The following BBS9 variants were observed in gnomAD, a reference collection of about 807,000 sequenced individuals.
The protein encoded by BBS9 is protein PTHB1.
A neutral mutation model predicts 117.7 loss-of-function variants in BBS9; 89 were observed. The ratio of observed to expected loss-of-function variants is 0.76; its 90% CI spans 0.64 to 0.90. The LOEUF (loss-of-function observed/expected upper bound fraction) is 0.90. BBS9 is among the 40% of genes least tolerant of loss of function. The pLI is 0.00. For synonymous variants in BBS9, 379 were observed against 370.9 expected, an observed-to-expected ratio of 1.02 and a Z score of -0.25; for missense variants, 982 against 1,042.2, an observed-to-expected ratio of 0.94 and a Z score of 0.80.
At chr7:33,411,219 A>G (rs1831087712) in intron 19 of BBS9, among the ~76,000 whole-genome samples, 1 of 152,110 alleles carries the variant, frequency 6.6e-6, no homozygotes, top group Admixed American at 6.5e-5. Context: ...AAGTAATTGG[A>G]TTTAGCTTCC....
intron 17 of BBS9, among the ~76,000 whole-genome samples, chr7:33,369,141 A>T (rs1584522683): frequency 6.6e-6 from 1 of 152,274 alleles, no homozygotes; most frequent in African/African-American, 2.4e-5. Context: ...TGCTTTGATT[A>T]GCTTTAATCT....
At chr7:33,625,867 A>G (rs1421416580) in intron 21 of BBS9, among the ~76,000 whole-genome samples, 1 of 152,202 alleles carries the variant, frequency 6.6e-6, no homozygotes, top group Non-Finnish European at 1.5e-5. Flanking sequence ...ATCTTAGTTA[A>G]GCTCTCATAA....
At chr7:33,331,553 TA>T (rs1814046571) in intron 9 of BBS9, among the ~76,000 whole-genome samples, 1 of 151,420 alleles carries the variant, frequency 6.6e-6, no homozygotes, top group African/African-American at 2.4e-5. Flanking sequence ...TCAAATTCAG[TA>T]AAGTCTCAGG....
At chr7:33,360,788 A>G (rs945346571) in intron 16 of BBS9, among the ~76,000 whole-genome samples, 1 of 152,090 alleles carries the variant, frequency 6.6e-6, no homozygotes, top group Non-Finnish European at 1.5e-5. Flanking sequence ...GGCTCCTAAA[A>G]TGTTGGAATT....
At chr7:33,200,640 A>G (rs1029443747) in intron 5 of BBS9, among the ~76,000 whole-genome samples, 3 of 152,130 alleles carry the variant, frequency 2.0e-5, no homozygotes, top group Non-Finnish European at 2.9e-5. Flanking sequence ...ATATTATTGA[A>G]TCTGTCAGTT....
chr7:33,318,701 C>T (rs1811053566), intron 9 of BBS9, among the ~76,000 whole-genome samples: 1 of 151,990 alleles, frequency 6.6e-6, no homozygotes, highest in Non-Finnish European at 1.5e-5. Context: ...ATACACTGAA[C>T]CCAATTTGTA....
At position 33,496,938 on chromosome 7, in the gene BBS9, C is replaced by T. The variant is rs114304208; in HGVS notation, c.2116-8525C>T. 1.7e-3 allele frequency among the ~76,000 whole-genome samples: 261 copies of T among 152,238 alleles called. 1 individual carries two copies. The highest frequency in any genetic ancestry group is 6.0e-3 in the African/African-American group (248 of 41,530). ...ATTTCATCCAAAGTAAAAGCTTAGC[C>T]CTGGTAAAATCTTTTCTTTTTTCCT... On this transcript the variant is annotated intron_variant, in intron 19 of 22. Coordinates refer to ENST00000242067, the MANE Select transcript of BBS9 (RefSeq NM_198428.3).
intron 19 of BBS9, among the ~76,000 whole-genome samples, chr7:33,474,210 A>T (rs550013655): frequency 1.3e-5 from 2 of 152,318 alleles, no homozygotes; most frequent in African/African-American, 2.4e-5. Context: ...ATGCAAGAAG[A>T]AGTAGTTACT....
intron 5 of BBS9, among the ~76,000 whole-genome samples, chr7:33,240,797 G>A (rs570881088): frequency 6.6e-5 from 10 of 151,960 alleles, no homozygotes; most frequent in Non-Finnish European, 1.0e-4. Flanking sequence ...AAAATTTTAC[G>A]TTTTACCTGT....
chr7:33,588,670 A>C (rs1369228473), intron 21 of BBS9, among the ~76,000 whole-genome samples: 1 of 152,176 alleles, frequency 6.6e-6, no homozygotes, highest in East Asian at 1.9e-4. Flanking sequence ...TGTGTGTCAG[A>C]AAAGGGGTGG....
intron 20 of BBS9, among the ~76,000 whole-genome samples, chr7:33,519,570 G>C (rs555080830): frequency 1.0e-4 from 12 of 115,322 alleles, no homozygotes; most frequent in African/African-American, 5.3e-4. Context: ...AACTGGCACA[G>C]AGCATTGTGC....
At chr7:33,555,915 T>C (rs554276823) in intron 21 of BBS9, among the ~76,000 whole-genome samples, 15 of 152,364 alleles carry the variant, frequency 9.8e-5, no homozygotes, top group African/African-American at 3.4e-4. Flanking sequence ...ACTGCCAGTA[T>C]ATCTCATTGT....
At chr7:33,577,876 G>A (rs1859198406) in intron 21 of BBS9, among the ~76,000 whole-genome samples, 1 of 152,098 alleles carries the variant, frequency 6.6e-6, no homozygotes, top group African/African-American at 2.4e-5. Flanking sequence ...CACAGGGCGG[G>A]GAACATCACA....
intron 19 of BBS9, among the ~76,000 whole-genome samples, chr7:33,404,956 A>T (rs905450534): frequency 6.6e-6 from 1 of 152,116 alleles, no homozygotes; most frequent in Non-Finnish European, 1.5e-5. Context: ...GTTTTTGCCC[A>T]TTCAGTATGA....
chr7:33,340,179 C>T (rs1009306135), intron 10 of BBS9, among the ~76,000 whole-genome samples: 12 of 151,924 alleles, frequency 7.9e-5, no homozygotes, highest in African/African-American at 2.7e-4. Flanking sequence ...AGTTTCACTC[C>T]TTAAAGGCAA....
intron 21 of BBS9, among the ~76,000 whole-genome samples, chr7:33,572,311 T>G (rs1311605450): frequency 6.6e-6 from 1 of 152,136 alleles, no homozygotes; most frequent in East Asian, 1.9e-4. Context: ...ATTCCATTGT[T>G]TATATGTATC....
chr7:33,238,671 A>G (rs1352108720), intron 5 of BBS9, among the ~76,000 whole-genome samples: 2 of 152,064 alleles, frequency 1.3e-5, no homozygotes, highest in African/African-American at 4.8e-5. Context: ...GGGAAAAAGT[A>G]TTTTCTATTT....
intron 4 of BBS9, among the ~76,000 whole-genome samples, chr7:33,174,025 T>C (rs1317326342): frequency 6.6e-6 from 1 of 152,202 alleles, no homozygotes; most frequent in Non-Finnish European, 1.5e-5. Flanking sequence ...CCTAGTCAGA[T>C]ATAAGAAGCC....
intron 21 of BBS9, among the ~76,000 whole-genome samples, chr7:33,621,213 C>CT (rs1317666810): frequency 6.6e-6 from 1 of 152,098 alleles, no homozygotes; most frequent in Non-Finnish European, 1.5e-5. Flanking sequence ...TTTCATTAAA[C>CT]TTAAAAGCTC....
Sources: allele counts gnomAD v4.1 joint callset (sites outside exome capture counted in the v4.1 genomes callset), GRCh38; gene constraint gnomAD v4.1.1; transcripts MANE v1.5; gene names NCBI Gene and HGNC (gene_info 2026-07-23, HGNC 2026-07-21).